The following ZNF804B variants were observed in gnomAD, a reference collection of about 807,000 sequenced individuals.
ZNF804B encodes zinc finger protein 804B.
ZNF804B carries 80 observed loss-of-function variants against 101.4 expected under a neutral mutation model. The ratio of observed to expected loss-of-function variants is 0.79; its 90% CI spans 0.66 to 0.95. The LOEUF (loss-of-function observed/expected upper bound fraction) is 0.95. Ranked by LOEUF, ZNF804B falls within the 40% of genes least tolerant of loss-of-function variation. The pLI is 0.00. For synonymous variants in ZNF804B, 622 were observed against 558.8 expected (o/e 1.11, Z -1.59); for missense variants, 1,673 against 1,561.9 (o/e 1.07, Z -1.20).
At chr7:88,885,838 A>G (rs1192271857) in intron 1 of ZNF804B, among the ~76,000 whole-genome samples, 3 of 151,918 alleles carry the variant, frequency 2.0e-5, no homozygotes, top group Non-Finnish European at 4.4e-5. Flanking sequence ...ATCACCATAC[A>G]TTGTGTGCAA....
chr7:89,228,484 CAG>C (rs1256533251), intron 2 of ZNF804B, among the ~76,000 whole-genome samples: 2 of 151,802 alleles, frequency 1.3e-5, no homozygotes, highest in African/African-American at 2.4e-5. Flanking sequence ...TAGCTAGATA[CAG>C]AGTGTCCACA....
At chr7:89,277,852 T>C (rs1790013786) in intron 2 of ZNF804B, among the ~76,000 whole-genome samples, 1 of 152,092 alleles carries the variant, frequency 6.6e-6, no homozygotes, top group Non-Finnish European at 1.5e-5. Flanking sequence ...TATAATCCTT[T>C]GGGTATATAC....
intron 1 of ZNF804B, among the ~76,000 whole-genome samples, chr7:88,845,307 A>C (rs909918292): frequency 6.6e-6 from 1 of 151,932 alleles, no homozygotes; most frequent in Non-Finnish European, 1.5e-5. Context: ...GCGCGCACAC[A>C]CACACACACA....
intron 1 of ZNF804B, among the ~76,000 whole-genome samples, chr7:88,790,283 T>G (rs1010550141): frequency 2.6e-5 from 4 of 152,292 alleles, no homozygotes; most frequent in Non-Finnish European, 4.4e-5. Flanking sequence ...ATATTTTATT[T>G]GAAGTTCCAG....
At chr7:89,219,043 CT>C (rs1788940119) in intron 2 of ZNF804B, among the ~76,000 whole-genome samples, 1 of 151,562 alleles carries the variant, frequency 6.6e-6, no homozygotes, top group Non-Finnish European at 1.5e-5. Context: ...TTCAAAGTTA[CT>C]TAACTAGTTA....
chr7:88,842,021 A>T (rs1484086279), intron 1 of ZNF804B, among the ~76,000 whole-genome samples: 1 of 152,216 alleles, frequency 6.6e-6, no homozygotes, highest in African/African-American at 2.4e-5. Flanking sequence ...AATCTCAGCT[A>T]TGCTCTGCTT....
At chr7:88,926,943 C>CGGG (rs371226583) in intron 1 of ZNF804B, among the ~76,000 whole-genome samples, 23,859 of 144,382 alleles carry the variant, frequency 0.17, 2,420 homozygotes, top group African/African-American at 0.27. Flanking sequence ...TGGTGGGGAG[C>CGGG]GGGGGGAAAG....
rs564108607 is a variant in ZNF804B at position 89,134,715 on chromosome 7, G to T, written c.109-83440G>T. Among the ~76,000 whole-genome samples, 25 of 152,092 alleles carry T rather than the reference G, an allele frequency of 1.6e-4. No individual in the cohort carries two copies. The South Asian group carries it at 5.0e-3, about 30-fold the overall frequency. On this transcript the variant is annotated intron_variant, in intron 1 of 3. Transcript: ENST00000333190. The stretch of plus-strand genomic sequence containing the variant: ...GATGCTAGTGCTTGTCTTCTTGGTT[G>T]ATCCTTTTGGGTAAATTCTTTGTAG...
At chr7:89,066,089 A>G (rs1014628136) in intron 1 of ZNF804B, among the ~76,000 whole-genome samples, 16 of 152,160 alleles carry the variant, frequency 1.1e-4, no homozygotes, top group African/African-American at 3.6e-4. Context: ...CATCCCTAAT[A>G]ACTTCTGATG....
At chr7:89,124,852 T>C (rs776665798) in intron 1 of ZNF804B, among the ~76,000 whole-genome samples, 6 of 151,980 alleles carry the variant, frequency 3.9e-5, no homozygotes, top group Non-Finnish European at 8.8e-5. Context: ...GATGAAAATA[T>C]TGGGAGTAGT....
intron 1 of ZNF804B, among the ~76,000 whole-genome samples, chr7:89,135,130 C>G (rs1267754070): frequency 6.6e-6 from 1 of 152,122 alleles, no homozygotes; most frequent in East Asian, 1.9e-4. Flanking sequence ...AGACCAAGCT[C>G]AAGCATCCAT....
intron 1 of ZNF804B, among the ~76,000 whole-genome samples, chr7:88,984,246 A>G (rs1793730008): frequency 6.6e-6 from 1 of 152,128 alleles, no homozygotes; most frequent in South Asian, 2.1e-4. Context: ...GGAGTTTCAT[A>G]TAAAAGTAAA....
intron 1 of ZNF804B, among the ~76,000 whole-genome samples, chr7:89,033,007 A>G (rs1408400056): frequency 6.6e-6 from 1 of 151,580 alleles, no homozygotes; most frequent in Admixed American, 6.6e-5. Flanking sequence ...ATTATTTATG[A>G]CTATGGTCAC....
At chr7:89,298,257 T>TATATATACAC (rs1429786060) in intron 2 of ZNF804B, among the ~76,000 whole-genome samples, 1 of 108,414 alleles carries the variant, frequency 9.2e-6, no homozygotes, top group African/African-American at 3.3e-5. Flanking sequence ...TATATATATA[T>TATATATACAC]ACTTTAAGTT....
intron 1 of ZNF804B, among the ~76,000 whole-genome samples, chr7:89,185,564 GA>G: frequency 6.6e-6 from 1 of 152,202 alleles, no homozygotes; most frequent in African/African-American, 2.4e-5. Flanking sequence ...ACGACGTATT[GA>G]AAAGACAGGA....
intron 1 of ZNF804B, among the ~76,000 whole-genome samples, chr7:89,143,179 G>T (rs1202722585): frequency 6.6e-6 from 1 of 151,848 alleles, no homozygotes; most frequent in East Asian, 1.9e-4. Context: ...GGGTGGGGGG[G>T]TTGGTAAAGC....
chr7:88,763,248 GATTTAATTTAGAAAACATGTTGA>G (rs1789925416), intron 1 of ZNF804B, among the ~76,000 whole-genome samples: 1 of 152,026 alleles, frequency 6.6e-6, no homozygotes. Flanking sequence ...TATTTCAAAG[GATTTAATTTAGAAAACATGTTGA>G]ATCATTATAT....
chr7:89,103,126 T>C (rs1337121133), intron 1 of ZNF804B, among the ~76,000 whole-genome samples: 1 of 142,416 alleles, frequency 7.0e-6, no homozygotes, highest in Non-Finnish European at 1.5e-5. Context: ...TGTAGTATAA[T>C]TTGAAATCAG....
At chr7:88,781,409 T>TTGTTGTA (rs1204170752) in intron 1 of ZNF804B, among the ~76,000 whole-genome samples, 1 of 152,160 alleles carries the variant, frequency 6.6e-6, no homozygotes, top group African/African-American at 2.4e-5. Flanking sequence ...TTCAGCCTAC[T>TTGTTGTA]GACTCCTTGT....
Sources: allele counts gnomAD v4.1 joint callset (sites outside exome capture counted in the v4.1 genomes callset), GRCh38; gene constraint gnomAD v4.1.1; transcripts MANE v1.5; gene names NCBI Gene and HGNC (gene_info 2026-07-23, HGNC 2026-07-21).